The following IRAK1BP1 variants were observed in gnomAD, a reference collection of about 807,000 sequenced individuals.
The protein encoded by IRAK1BP1 is interleukin-1 receptor-associated kinase 1-binding protein 1.
A neutral mutation model predicts 28.0 loss-of-function variants in IRAK1BP1; 24 were observed. That is an observed-to-expected ratio of 0.86 (90% CI 0.62 to 1.20). IRAK1BP1 has a LOEUF of 1.20. Ranked by LOEUF, IRAK1BP1 falls within the 50% of genes most tolerant of loss-of-function variation. IRAK1BP1 has a pLI of 0.00. For missense variants in IRAK1BP1, 336 were observed against 316.7 expected (o/e 1.06, Z -0.46); for synonymous variants, 131 against 116.3 (o/e 1.13, Z -0.81).
intron 4 of IRAK1BP1, chr6:78,938,843 C>T (rs1773367062): frequency 6.6e-6 from 1 of 151,548 alleles, no homozygotes; most frequent in African/African-American, 2.4e-5. Context: ...TCTAAAAAGC[C>T]CAAATGTATC....
chr6:78,927,712 A>G (rs1229171123), intron 4 of IRAK1BP1, among the ~76,000 whole-genome samples: 2 of 152,140 alleles, frequency 1.3e-5, no homozygotes, highest in Admixed American at 1.3e-4. Flanking sequence ...AGTTTTGTAT[A>G]CAGTGAGAGA....
At chr6:78,872,055 A>G (rs1248464729) in intron 1 of IRAK1BP1, 2 of 692,696 alleles carry the variant, frequency 2.9e-6, no homozygotes, top group South Asian at 3.1e-5. Context: ...TCTGAAGGCT[A>G]ATGTAGAACT....
At chr6:78,895,773 A>T (rs1771860740) in intron 2 of IRAK1BP1, among the ~76,000 whole-genome samples, 1 of 152,216 alleles carries the variant, frequency 6.6e-6, no homozygotes, top group Admixed American at 6.5e-5. Context: ...GAAAACCTAC[A>T]GCTGTCATAC....
chr6:78,955,676 C>A, the IRAK1BP1 span: 1 of 1,036,938 alleles, frequency 9.6e-7, no homozygotes. Context: ...TATAACAAGT[C>A]TGATCCCTAC....
chr6:78,927,430 T>C (rs1772920331), intron 4 of IRAK1BP1, among the ~76,000 whole-genome samples: 1 of 152,108 alleles, frequency 6.6e-6, no homozygotes, highest in East Asian at 1.9e-4. Flanking sequence ...GAGCTCCTGG[T>C]TATTAATCCC....
the IRAK1BP1 span, among the ~76,000 whole-genome samples, chr6:78,975,735 C>A: frequency 2.0e-5 from 3 of 151,916 alleles, no homozygotes; most frequent in African/African-American, 7.3e-5. Flanking sequence ...CAACAACGGA[C>A]AAACAGAGAG....
rs75984205 is a variant in IRAK1BP1, at chr6:78,882,023, A to G, written c.316-3355A>G. Among the ~76,000 whole-genome samples, 286 of 152,232 alleles carry G rather than the reference A, an allele frequency of 1.9e-3. 3 individuals carry two copies. The East Asian group carries it at 0.044, about 23-fold the overall frequency. ...TATCTGTGTGCGTATATATATGTCT[A>G]TGCATATATATATGTAACCTAGCTC... On this transcript the variant is annotated intron_variant, in intron 1 of 3. Transcript: ENST00000369940.
At chr6:78,946,177 A>G (rs1373850354) in exon 5 of IRAK1BP1, 1 of 1,613,948 alleles carries the variant, frequency 6.2e-7, no homozygotes. Flanking sequence ...TCTTGGCGGT[A>G]TTGATCGTGT....
chr6:78,974,583 C>T, the IRAK1BP1 span, among the ~76,000 whole-genome samples: 1 of 151,974 alleles, frequency 6.6e-6, no homozygotes, highest in African/African-American at 2.4e-5. Flanking sequence ...TTAATGAATC[C>T]AGGAGCTGGT....
downstream of IRAK1BP1, chr6:78,903,249 G>A (rs1043613671): frequency 1.8e-5 from 9 of 487,978 alleles, no homozygotes; most frequent in African/African-American, 9.7e-5. Flanking sequence ...TCGGGAGGCC[G>A]AGGCAGGTGG....
the IRAK1BP1 span, among the ~76,000 whole-genome samples, chr6:78,972,823 A>G: frequency 0.012 from 1,817 of 152,324 alleles, 39 homozygotes; most frequent in African/African-American, 0.042. Context: ...AGGGAAGTTT[A>G]GAGAAAAAAA....
chr6:78,971,575 G>A, the IRAK1BP1 span, among the ~76,000 whole-genome samples: 8 of 152,258 alleles, frequency 5.3e-5, 1 homozygote, highest in South Asian at 1.5e-3. Context: ...CAGCCTGAAC[G>A]ATGCAGAAGA....
intron 2 of IRAK1BP1, among the ~76,000 whole-genome samples, chr6:78,897,081 C>A (rs1422181906): frequency 1.3e-5 from 2 of 151,118 alleles, no homozygotes; most frequent in Non-Finnish European, 2.9e-5. Context: ...GAGACTCCAC[C>A]TCTACAAAAA....
downstream of IRAK1BP1, among the ~76,000 whole-genome samples, chr6:78,904,681 T>C (rs1225210265): frequency 6.6e-6 from 1 of 152,214 alleles, no homozygotes; most frequent in Non-Finnish European, 1.5e-5. Context: ...GTATAACAAT[T>C]CAGATAAATC....
chr6:78,877,521 T>A (rs1212785972), intron 1 of IRAK1BP1, among the ~76,000 whole-genome samples: 2 of 152,208 alleles, frequency 1.3e-5, no homozygotes, highest in Admixed American at 6.5e-5. Flanking sequence ...GGTTCCAAGA[T>A]GGCCAAATAG....
intron 4 of IRAK1BP1, among the ~76,000 whole-genome samples, chr6:78,920,903 T>C (rs992899134): frequency 6.6e-6 from 1 of 152,182 alleles, no homozygotes; most frequent in Non-Finnish European, 1.5e-5. Context: ...AAAGTTCTAG[T>C]ATGTAGAATC....
intron 2 of IRAK1BP1, among the ~76,000 whole-genome samples, chr6:78,894,524 C>T (rs116627779): frequency 1.4e-3 from 220 of 152,170 alleles, no homozygotes; most frequent in African/African-American, 4.9e-3. Context: ...AGAGGACATA[C>T]AGCACTAAAT....
chr6:78,939,005 A>G (rs1283998630), intron 4 of IRAK1BP1: 1 of 151,752 alleles, frequency 6.6e-6, no homozygotes, highest in Non-Finnish European at 1.5e-5. Flanking sequence ...CTCACTTTTT[A>G]AAAATGTAGT....
intron 4 of IRAK1BP1, chr6:78,939,596 TATTTA>T (rs1410782380): frequency 1.3e-5 from 2 of 151,944 alleles, no homozygotes; most frequent in Non-Finnish European, 2.9e-5. Flanking sequence ...TTTGTATATA[TATTTA>T]ATTATACCCA....
Sources: allele counts gnomAD v4.1 joint callset (sites outside exome capture counted in the v4.1 genomes callset), GRCh38; gene constraint gnomAD v4.1.1; transcripts MANE v1.5; gene names NCBI Gene and HGNC (gene_info 2026-07-23, HGNC 2026-07-21).